The following VTCN1 variants were observed in gnomAD, a reference collection of about 807,000 sequenced individuals.
The protein encoded by VTCN1 is V-set domain-containing T-cell activation inhibitor 1.
Under a neutral mutation model 26.5 loss-of-function variants are expected in VTCN1, and 26 were observed. The observed-to-expected ratio is 0.98, with a 90% CI of 0.72 to 1.36. The LOEUF is 1.36. Among genes scored for constraint, VTCN1 ranks in the 40% most tolerant of loss-of-function variants. The probability of loss-of-function intolerance (pLI) is 0.00; values close to 1 mark genes in which losing one functional copy is unlikely to be tolerated. For missense variants in VTCN1, 298 were observed against 337.7 expected (o/e 0.88, Z 0.92); for synonymous variants, 116 against 130.7 (o/e 0.89, Z 0.77).
rs1430126027 is a variant in VTCN1, at chr1:117,169,118, G to A, written c.97+989C>T. 6.6e-6 allele frequency among the ~76,000 whole-genome samples: 1 copy of A among 152,188 alleles called. No homozygotes were observed. The highest frequency in any genetic ancestry group is 2.4e-5 in the African/African-American group (1 of 41,442). The stretch of plus-strand genomic sequence containing the variant: ...AAAATGAATGTGTTGGACTGAGTCA[G>A]GTGGTTTATGAAAAAAAGAGCAGAC... On this transcript the variant is annotated intron_variant, in intron 2 of 5. Coordinates refer to ENST00000369458, the MANE Select transcript of VTCN1 (RefSeq NM_024626.4). This position sits in a 1 kb window ranked among gnomAD's most constrained non-coding sequence, Gnocchi z 4.0.
At chr1:117,187,483 G>T (rs530195234) in intron 1 of VTCN1, among the ~76,000 whole-genome samples, 2 of 152,082 alleles carry the variant, frequency 1.3e-5, no homozygotes, top group Admixed American at 6.6e-5. Context: ...GTGCATTTGT[G>T]AGATACACAG....
At chr1:117,157,019 A>G in intron 2 of VTCN1, 98 bp from the exon 3 acceptor site, 1 of 1,602,946 alleles carries the variant, frequency 6.2e-7, no homozygotes, top group Non-Finnish European at 8.5e-7. Flanking sequence ...CTTCTGTGAT[A>G]AATTAAAAAT....
chr1:117,160,701 T>C (rs560719811), intron 2 of VTCN1, among the ~76,000 whole-genome samples: 1 of 152,330 alleles, frequency 6.6e-6, no homozygotes, highest in Admixed American at 6.5e-5. Context: ...ATAAAAAACA[T>C]ACAAACAAAG....
rs1461764373 is a variant in VTCN1, at chr1:117,146,566, G to T, written c.*45+1047C>A. On this transcript the variant is annotated intron_variant, in intron 5 of 5. Coordinates refer to ENST00000369458, the MANE Select transcript of VTCN1 (RefSeq NM_024626.4). This position sits in a 1 kb window ranked among gnomAD's most constrained non-coding sequence, Gnocchi z 4.2. ...AGCTAGGAAGCATTTTCCTAAAATGGATAAAGGAAGTAGTGGGTATAAATT... is the reference window on the plus strand; with the variant it reads ...AGCTAGGAAGCATTTTCCTAAAATGTATAAAGGAAGTAGTGGGTATAAATT... 6.6e-6 allele frequency among the ~76,000 whole-genome samples: 1 copy of T among 152,200 alleles called. No homozygotes were observed. Among genetic ancestry groups the T allele is most frequent in the Non-Finnish European group, 1.5e-5 (1 of 68,032 alleles).
intron 2 of VTCN1, among the ~76,000 whole-genome samples, chr1:117,162,839 G>A (rs1484641128): frequency 6.6e-6 from 1 of 152,186 alleles, no homozygotes; most frequent in East Asian, 1.9e-4. Flanking sequence ...TGGGGGTATA[G>A]GTAACACAAG....
chr1:117,179,646 A>G (rs1049985971), intron 1 of VTCN1, among the ~76,000 whole-genome samples: 5 of 152,236 alleles, frequency 3.3e-5, no homozygotes, highest in Non-Finnish European at 7.3e-5. Flanking sequence ...TAAAGCTTCA[A>G]ACAATTTTGA....
At chr1:117,153,030 A>C (rs1651873853) in intron 4 of VTCN1, 61 bp downstream of exon 4, 29 of 1,542,148 alleles carry the variant, frequency 1.9e-5, no homozygotes, top group Non-Finnish European at 2.4e-5. Flanking sequence ...ATGAAGTTAA[A>C]TTTTAATTTA....
At chr1:117,186,626 G>A (rs912276802) in intron 1 of VTCN1, among the ~76,000 whole-genome samples, 2 of 152,348 alleles carry the variant, frequency 1.3e-5, no homozygotes, top group East Asian at 3.9e-4. Flanking sequence ...GGGAATGAGA[G>A]GGTAGGTATA....
chr1:117,192,141 G>A (rs949817968), intron 1 of VTCN1, among the ~76,000 whole-genome samples: 4 of 152,052 alleles, frequency 2.6e-5, no homozygotes, highest in African/African-American at 4.8e-5. Flanking sequence ...AATTTTGAAA[G>A]CAGCAGGAAA....
At chr1:117,174,380 TC>T (rs1653086507) in intron 1 of VTCN1, among the ~76,000 whole-genome samples, 1 of 152,140 alleles carries the variant, frequency 6.6e-6, no homozygotes, top group Non-Finnish European at 1.5e-5. Flanking sequence ...ATAAACAAGG[TC>T]CCTGCCCTCA....
At chr1:117,186,290 A>T (rs1049454243) in intron 1 of VTCN1, among the ~76,000 whole-genome samples, 6 of 152,186 alleles carry the variant, frequency 3.9e-5, no homozygotes, top group African/African-American at 1.4e-4. Flanking sequence ...AATCGTATTA[A>T]ATCTGAGTCA....
chr1:117,147,614 T>C lies in VTCN1; in HGVS notation c.*44A>G. On this transcript the variant is annotated splice_region_variant and 3_prime_UTR_variant, in exon 5 of 6. Coordinates refer to ENST00000369458, the MANE Select transcript of VTCN1 (RefSeq NM_024626.4). This position sits in a 1 kb window ranked among gnomAD's most constrained non-coding sequence, Gnocchi z 4.6. ...CACACTATTTGTGATTAATCTCACC[T>C]GTTGTAACAATGACTTTGCATGCTT... 1 of 1,607,620 alleles carries C rather than the reference T, an allele frequency of 6.2e-7. No homozygotes were observed. Among genetic ancestry groups the C allele is most frequent in the Non-Finnish European group, 8.5e-7 (1 of 1,177,670 alleles).
At chr1:117,193,503 T>C (rs1185977887) in intron 1 of VTCN1, among the ~76,000 whole-genome samples, 2 of 152,078 alleles carry the variant, frequency 1.3e-5, no homozygotes, top group Non-Finnish European at 2.9e-5. Context: ...AAGACAAAGA[T>C]AGTAACAAAG....
intron 1 of VTCN1, among the ~76,000 whole-genome samples, chr1:117,200,101 T>C (rs1291619818): frequency 6.6e-6 from 1 of 152,146 alleles, no homozygotes; most frequent in African/African-American, 2.4e-5. Flanking sequence ...AAAGAGTCAT[T>C]TATAAGGATA....
rs984951952 is a variant in VTCN1 at position 117,155,064 on chromosome 1, C to T, written c.445+1510G>A. Among the ~76,000 whole-genome samples, 2 of 152,002 alleles carry T rather than the reference C, an allele frequency of 1.3e-5. No homozygotes were observed. Among genetic ancestry groups the T allele is most frequent in the African/African-American group, 4.8e-5 (2 of 41,352 alleles). ...ACTGGTTAGGTATTTTGAGGAGTAC[C>T]GGTTAGGTATTTTCCATGACCTTGA... On this transcript the variant is annotated intron_variant, in intron 3 of 5. Coordinates refer to ENST00000369458, the MANE Select transcript of VTCN1 (RefSeq NM_024626.4). The surrounding 1 kb of genome is among the most constrained non-coding windows in gnomAD (Gnocchi z 4.8).
intron 4 of VTCN1, among the ~76,000 whole-genome samples, chr1:117,151,466 ACC>A (rs1347033814): frequency 5.9e-5 from 9 of 152,236 alleles, no homozygotes; most frequent in African/African-American, 2.2e-4. Context: ...CAGCAGCCCT[ACC>A]GGGTTGCTGC....
rs113912620 is a variant in VTCN1, at chr1:117,156,475, T to C, written c.445+99A>G. 8.8e-5 allele frequency: 112 copies of C among 1,266,732 alleles called. No homozygotes were observed. The African/African-American group carries it at 1.3e-3, about 15-fold the overall frequency. The allele number at this position is 1,266,732 out of a possible 1,614,324, so 78.5% of individuals were successfully genotyped here. On this transcript the variant is annotated intron_variant, in intron 3 of 5. Transcript: ENST00000369458. ...CTGTTAGCAGAATTGGGAGCATCAT[T>C]GTCTGATATTGGTCACAACATATTT...
At chr1:117,171,650 A>G in intron 1 of VTCN1, among the ~76,000 whole-genome samples, 1 of 152,248 alleles carries the variant, frequency 6.6e-6, no homozygotes, top group East Asian at 1.9e-4. Context: ...ACTAAGTGCT[A>G]GAATTATATG....
chr1:117,205,155 T>G (rs1361521196), intron 1 of VTCN1, among the ~76,000 whole-genome samples: 66 of 107,940 alleles, frequency 6.1e-4, no homozygotes, highest in East Asian at 4.2e-3. Flanking sequence ...TATATATATA[T>G]ATAGAGAGAG....
Sources: allele counts gnomAD v4.1 joint callset (sites outside exome capture counted in the v4.1 genomes callset), GRCh38; gene constraint gnomAD v4.1.1; non-coding constraint Gnocchi (gnomAD v3.1); transcripts MANE v1.5; gene names NCBI Gene and HGNC (gene_info 2026-07-23, HGNC 2026-07-21).